Variants in THSD7B observed in about 807,000 individuals in gnomAD.
The protein encoded by THSD7B is thrombospondin type 1 domain containing 7B.
A neutral mutation model predicts 213.6 loss-of-function variants in THSD7B; 138 were observed. That is an observed-to-expected ratio of 0.65 (90% confidence interval 0.56 to 0.74). The LOEUF (loss-of-function observed/expected upper bound fraction) is 0.74, where lower values mean the gene tolerates loss of function less well. Ranked by LOEUF, THSD7B falls within the 30% of genes least tolerant of loss-of-function variation. THSD7B has a pLI of 0.00. For synonymous variants in THSD7B, 742 were observed against 687.0 expected (o/e 1.08, Z -1.25); for missense variants, 1,931 against 1,991.5 (o/e 0.97, Z 0.58).
At chr2:137,375,681 G>T (rs1395226879) in intron 12 of THSD7B, among the ~76,000 whole-genome samples, 1 of 152,122 alleles carries the variant, frequency 6.6e-6, no homozygotes, top group Non-Finnish European at 1.5e-5. Context: ...ATTCTAGAAC[G>T]GAATTAAGGT....
intron 2 of THSD7B, among the ~76,000 whole-genome samples, chr2:136,972,953 C>T (rs1685427405): frequency 6.6e-6 from 1 of 152,072 alleles, no homozygotes; most frequent in South Asian, 2.1e-4. Flanking sequence ...CTCTCTTCTC[C>T]TCACTCCCCA....
At chr2:136,992,012 C>A (rs1685793947) in intron 2 of THSD7B, among the ~76,000 whole-genome samples, 1 of 152,204 alleles carries the variant, frequency 6.6e-6, no homozygotes, top group Non-Finnish European at 1.5e-5. Flanking sequence ...TCAGCAGTCA[C>A]ATAAGCTACA....
intron 2 of THSD7B, among the ~76,000 whole-genome samples, chr2:137,029,767 A>T (rs1214117632): frequency 6.6e-6 from 1 of 152,186 alleles, no homozygotes; most frequent in African/African-American, 2.4e-5. Context: ...GAGAGGAGGT[A>T]TATCATTATG....
chr2:137,382,217 G>A (rs912697011), intron 12 of THSD7B, among the ~76,000 whole-genome samples: 1 of 152,244 alleles, frequency 6.6e-6, no homozygotes, highest in East Asian at 1.9e-4. Flanking sequence ...TATATGCCTA[G>A]CCCCACTGTA....
intron 7 of THSD7B, among the ~76,000 whole-genome samples, chr2:137,207,005 T>C (rs990893470): frequency 6.6e-6 from 1 of 152,018 alleles, no homozygotes; most frequent in Non-Finnish European, 1.5e-5. Flanking sequence ...GTTTTCACTG[T>C]TTTTCCAAAA....
rs534117549 is a variant in THSD7B, at chr2:137,165,859, G to T, written c.1526-4882G>T. Among the ~76,000 whole-genome samples the T allele has an allele frequency of 3.3e-5, 5 of 152,002 alleles. No homozygotes were observed. The South Asian group carries it at 1.0e-3, about 32-fold the overall frequency. ...CAAGCAAACAACAGCAAAAAAAAAT[G>T]AATGTGGAGAGTAGGAGAGAATATC... is the stretch of plus-strand genomic sequence containing the variant. On this transcript the variant is annotated intron_variant, in intron 6 of 27. Coordinates refer to ENST00000409968, the MANE Select transcript of THSD7B (RefSeq NM_001316349.2).
At chr2:137,072,470 C>T (rs1687513769) in intron 3 of THSD7B, among the ~76,000 whole-genome samples, 1 of 152,088 alleles carries the variant, frequency 6.6e-6, no homozygotes, top group South Asian at 2.1e-4. Context: ...TGAGACTTTG[C>T]TGAAGTTGCT....
rs368251869 is a variant in THSD7B, at chr2:136,952,320, A to G, written c.139+70003A>G. Among the ~76,000 whole-genome samples the G allele has an allele frequency of 2.0e-5, 3 of 152,044 alleles. No homozygotes were observed. The East Asian group carries it at 5.8e-4, about 29-fold the overall frequency. Reference sequence around the variant, plus strand: ...ACTTAAATTGTTATTTGTCAATGTAATTGTTTCAATGGGATTCTTCTTGCC... The same window carrying G: ...ACTTAAATTGTTATTTGTCAATGTAGTTGTTTCAATGGGATTCTTCTTGCC... On this transcript the variant is annotated intron_variant, in intron 2 of 27. Transcript: ENST00000409968.
At chr2:137,349,540 A>G (rs925258266) in intron 12 of THSD7B, among the ~76,000 whole-genome samples, 3 of 151,970 alleles carry the variant, frequency 2.0e-5, no homozygotes, top group African/African-American at 7.2e-5. Context: ...GAACTTTTCA[A>G]TTACCTTAAA....
At chr2:137,470,366 T>C (rs746956662) in intron 15 of THSD7B, among the ~76,000 whole-genome samples, 44 of 152,322 alleles carry the variant, frequency 2.9e-4, no homozygotes, top group Non-Finnish European at 5.6e-4. Flanking sequence ...AGATTTCTTG[T>C]TACAAATTAT....
intron 2 of THSD7B, among the ~76,000 whole-genome samples, chr2:137,018,387 A>G (rs1033158689): frequency 2.6e-5 from 4 of 152,184 alleles, no homozygotes; most frequent in African/African-American, 9.6e-5. Flanking sequence ...TAGCAGGTGC[A>G]ACCAAAGAAA....
chr2:136,934,756 A>T (rs775141958), intron 2 of THSD7B, among the ~76,000 whole-genome samples: 16 of 152,304 alleles, frequency 1.1e-4, no homozygotes, highest in South Asian at 8.3e-4. Flanking sequence ...GTGGAGCAAC[A>T]ATAGATTAGG....
At chr2:136,817,466 G>T (rs1410586141) in intron 1 of THSD7B, among the ~76,000 whole-genome samples, 1 of 151,226 alleles carries the variant, frequency 6.6e-6, no homozygotes, top group Admixed American at 6.6e-5. Context: ...GTAATGCCTA[G>T]GTTTTCTTCT....
chr2:136,898,220 T>G lies in THSD7B; in HGVS notation c.139+15903T>G, dbSNP rs72981637. Among the ~76,000 whole-genome samples the G allele has an allele frequency of 9.8e-3, 1,489 of 152,330 alleles. 34 individuals carry two copies. The highest frequency in any genetic ancestry group is 0.034 in the African/African-American group (1,434 of 41,574). ...GTCTCATCTCTTTAATTTCCTTCAG[T>G]GATGTTTTATAAATTTTAGTGTATA... On this transcript the variant is annotated intron_variant, in intron 2 of 27. Transcript: ENST00000409968.
chr2:137,149,618 G>T (rs1244604390), intron 5 of THSD7B, among the ~76,000 whole-genome samples: 2 of 152,216 alleles, frequency 1.3e-5, no homozygotes, highest in Non-Finnish European at 2.9e-5. Flanking sequence ...CCCACCTCTT[G>T]CATCAGCATG....
At chr2:137,100,602 G>A (rs140775896) in intron 4 of THSD7B, among the ~76,000 whole-genome samples, 5 of 152,034 alleles carry the variant, frequency 3.3e-5, no homozygotes, top group African/African-American at 1.2e-4. Flanking sequence ...AGAAAGAGTA[G>A]CACCTAGAAA....
chr2:137,399,303 C>T (rs1283946414), intron 12 of THSD7B, among the ~76,000 whole-genome samples: 1 of 151,780 alleles, frequency 6.6e-6, no homozygotes, highest in African/African-American at 2.4e-5. Flanking sequence ...AGCGATTTTC[C>T]TCCCTCAGCC....
At chr2:136,872,537 T>C (rs1178041566) in intron 1 of THSD7B, among the ~76,000 whole-genome samples, 1 of 151,844 alleles carries the variant, frequency 6.6e-6, no homozygotes. Flanking sequence ...TTCTTTTCTT[T>C]TCTCTTTTTC....
intron 5 of THSD7B, among the ~76,000 whole-genome samples, chr2:137,157,775 A>G (rs1679938866): frequency 6.6e-6 from 1 of 152,200 alleles, no homozygotes; most frequent in African/African-American, 2.4e-5. Context: ...AACAACATAT[A>G]TCTCAAAGGG....
Sources: allele counts gnomAD v4.1 joint callset (sites outside exome capture counted in the v4.1 genomes callset), GRCh38; gene constraint gnomAD v4.1.1; transcripts MANE v1.5; gene names NCBI Gene and HGNC (gene_info 2026-07-23, HGNC 2026-07-21).